Variants in C9 observed in about 807,000 individuals in gnomAD.
C9 encodes complement component C9.
A neutral mutation model predicts 65.4 loss-of-function variants in C9; 63 were observed. That is an observed-to-expected ratio of 0.96 (90% CI 0.79 to 1.19). The LOEUF is 1.19. Ranked by LOEUF, C9 falls within the 50% of genes most tolerant of loss-of-function variation. C9 has a pLI of 0.00. For synonymous variants in C9, 229 were observed against 227.9 expected, an observed-to-expected ratio of 1.00 and a Z score of -0.04; for missense variants, 744 against 670.1, an observed-to-expected ratio of 1.11 and a Z score of -1.22.
At chr5:39,292,406 GA>G (rs1753113230) in intron 9 of C9, among the ~76,000 whole-genome samples, 2 of 142,658 alleles carry the variant, frequency 1.4e-5, no homozygotes, top group Admixed American at 1.4e-4. Flanking sequence ...AAATGTCATT[GA>G]AAAAAATACT....
chr5:39,335,090 C>G (rs1753937615), intron 4 of C9, among the ~76,000 whole-genome samples: 1 of 151,960 alleles, frequency 6.6e-6, no homozygotes, highest in Non-Finnish European at 1.5e-5. Flanking sequence ...AAGCAAATGA[C>G]CTGGGTTGTT....
chr5:39,348,819 C>T (rs1425256679), intron 1 of C9, among the ~76,000 whole-genome samples: 3 of 152,170 alleles, frequency 2.0e-5, no homozygotes, highest in Non-Finnish European at 2.9e-5. Context: ...GGCACATATA[C>T]ACCATAGAAT....
chr5:39,361,776 T>C (rs1266047808), intron 1 of C9, among the ~76,000 whole-genome samples: 4 of 152,084 alleles, frequency 2.6e-5, no homozygotes, highest in Admixed American at 6.6e-5. Flanking sequence ...CCAGTTCTCA[T>C]GGGCACATTA....
chr5:39,292,285 T>C (rs1753109554), intron 9 of C9, among the ~76,000 whole-genome samples: 4 of 151,190 alleles, frequency 2.6e-5, no homozygotes, highest in Admixed American at 1.3e-4. Flanking sequence ...ATTTAAAAAC[T>C]ATGCAAGCCA....
In C9 at chr5:39,359,102, G is replaced by GTGTGTGTGTATATA. The variant is rs1407613505; in HGVS notation, c.77+5285_77+5286insTATATACACACACA. ...TGTATATATATATGTGTGTGTGTGTGTATATATATATATATATATATATGT... is the reference window on the plus strand; with the variant it reads ...TGTATATATATATGTGTGTGTGTGTGTGTGTGTGTATATATATATATATATATATATATATATGT... On this transcript the variant is annotated intron_variant, in intron 1 of 10. Transcript: ENST00000263408. Among the ~76,000 whole-genome samples the GTGTGTGTGTATATA allele has an allele frequency of 5.8e-5, 6 of 103,666 alleles. 1 individual carries two copies. Among genetic ancestry groups the GTGTGTGTGTATATA allele is most frequent in the Admixed American group, 1.1e-4 (1 of 9,042 alleles). 68.0% of individuals were successfully genotyped at this position (103,666 alleles called of 152,430 possible). A position where few individuals can be genotyped will look rare whatever the true frequency, so the allele number is the denominator to read the frequency against.
chr5:39,357,807 G>T (rs902012727), intron 1 of C9, among the ~76,000 whole-genome samples: 2 of 152,182 alleles, frequency 1.3e-5, no homozygotes, highest in Non-Finnish European at 2.9e-5. Context: ...CTGGGCCTTT[G>T]TGACAGCCTT....
chr5:39,330,716 C>T (rs1191657256), intron 5 of C9, among the ~76,000 whole-genome samples: 4 of 151,296 alleles, frequency 2.6e-5, no homozygotes, highest in Non-Finnish European at 5.9e-5. Flanking sequence ...TTTTTGGCAA[C>T]TGACATATTC....
chr5:39,324,712 T>C (rs1331310406), intron 5 of C9, among the ~76,000 whole-genome samples: 2 of 152,206 alleles, frequency 1.3e-5, no homozygotes, highest in African/African-American at 4.8e-5. Context: ...AGGCTCAATG[T>C]TAAGCATTCA....
intron 9 of C9, among the ~76,000 whole-genome samples, chr5:39,298,977 C>A (rs1463223291): frequency 6.6e-6 from 1 of 151,708 alleles, no homozygotes; most frequent in Non-Finnish European, 1.5e-5. Flanking sequence ...AATTCTTGGA[C>A]AAAATTCAAC....
In C9 at chr5:39,341,690, C is replaced by T; in HGVS notation, c.194G>A (p.Arg65Lys). Residue 65 changes from arginine to lysine, a missense_variant, in exon 3 of 11, where the codon AGA becomes AAA. Arg to Lys is a conservative substitution (Grantham distance 26). Transcript: ENST00000263408. ...DPCLRQMFRS[R>K]SIEVFGQFNG... ...AAATTGTCCAAAGACCTCAATGCTT[C>T]TTGAACGAAACTGCACAATATCAGT... 6.2e-7 allele frequency: 1 copy of T among 1,614,086 alleles called. No individual in the cohort carries two copies. The highest frequency in any genetic ancestry group is 8.5e-7 in the Non-Finnish European group (1 of 1,179,966).
intron 5 of C9, among the ~76,000 whole-genome samples, chr5:39,322,744 T>C (rs10068550): frequency 0.029 from 4,482 of 152,190 alleles, 199 homozygotes; most frequent in African/African-American, 0.099. Flanking sequence ...ATGGTTGCAT[T>C]TGTACTGAAC....
chr5:39,316,108 A>T lies in C9; in HGVS notation c.616-79T>A. 3.3e-6 allele frequency: 4 copies of T among 1,229,614 alleles called. No individual in the cohort carries two copies. The South Asian group carries it at 5.4e-5, about 16-fold the overall frequency. The allele number at this position is 1,229,614 out of a possible 1,614,324, so 76.2% of individuals were successfully genotyped here. A position where few individuals can be genotyped will look rare whatever the true frequency, so the allele number is the denominator to read the frequency against. On this transcript the variant is annotated intron_variant, in intron 5 of 10. Coordinates refer to ENST00000263408, the MANE Select transcript of C9 (RefSeq NM_001737.5). ...AACAAGCAGAACAGAACCAAAGAGA[A>T]GTCAAACAATTCTTTGAAAGGCAGT...
In C9 at chr5:39,295,033, G is replaced by A. The variant is rs990955387; in HGVS notation, c.1417-6082C>T. 2.6e-5 allele frequency among the ~76,000 whole-genome samples: 4 copies of A among 151,492 alleles called. No homozygotes were observed. The East Asian group carries it at 7.7e-4, about 29-fold the overall frequency. On this transcript the variant is annotated intron_variant, in intron 9 of 10. Coordinates refer to ENST00000263408, the MANE Select transcript of C9 (RefSeq NM_001737.5). Reference sequence around the variant, plus strand: ...ACTTCTCTTTGTGATACAAATTCTCGATAAATTAGGTATAGAATAAAAGTA... The same window carrying A: ...ACTTCTCTTTGTGATACAAATTCTCAATAAATTAGGTATAGAATAAAAGTA...
intron 5 of C9, among the ~76,000 whole-genome samples, chr5:39,324,511 A>G (rs1261975526): frequency 2.0e-5 from 3 of 152,202 alleles, no homozygotes; most frequent in African/African-American, 7.2e-5. Flanking sequence ...ACTTTCAGAT[A>G]TAACAGATTG....
At position 39,284,924 on chromosome 5, in the gene C9, T is replaced by A. The variant is rs1035430159; in HGVS notation, c.*275A>T. 4 of 433,362 alleles carry A rather than the reference T, an allele frequency of 9.2e-6. No homozygotes were observed. In the Admixed American group the frequency reaches 1.6e-4, roughly 17 times the overall value. The allele number at this position is 433,362 out of a possible 1,614,324, so 26.8% of individuals were successfully genotyped here. ...TTTTTAATTTAATTTTGTTTTTTTTTAGAAGAGATTGGCATTTTCCGTGGG... is the reference window on the plus strand; with the variant it reads ...TTTTTAATTTAATTTTGTTTTTTTTAAGAAGAGATTGGCATTTTCCGTGGG... On this transcript the variant is annotated 3_prime_UTR_variant, in exon 11 of 11. Coordinates refer to ENST00000263408, the MANE Select transcript of C9 (RefSeq NM_001737.5).
intron 1 of C9, among the ~76,000 whole-genome samples, chr5:39,343,389 C>A (rs192685765): frequency 1.1e-4 from 17 of 152,364 alleles, no homozygotes; most frequent in Non-Finnish European, 1.9e-4. Flanking sequence ...TATCCTGCAC[C>A]TGGCTCAGAG....
intron 4 of C9, among the ~76,000 whole-genome samples, chr5:39,333,978 G>A (rs1049604067): frequency 6.6e-6 from 1 of 152,148 alleles, no homozygotes; most frequent in Non-Finnish European, 1.5e-5. Flanking sequence ...CCACCTCCCA[G>A]CCGCCTGCCT....
At chr5:39,330,259 A>G (rs1010382027) in intron 5 of C9, among the ~76,000 whole-genome samples, 11 of 152,222 alleles carry the variant, frequency 7.2e-5, no homozygotes, top group Non-Finnish European at 4.4e-5. Context: ...ATTGTGATTT[A>G]TATCACACCA....
At position 39,312,109 on chromosome 5, in the gene C9, G is replaced by A. The variant is rs78399806; in HGVS notation, c.871-732C>T. 3.6e-3 allele frequency among the ~76,000 whole-genome samples: 555 copies of A among 152,130 alleles called. 4 individuals are homozygous for A. Among genetic ancestry groups the A allele is most frequent in the African/African-American group, 0.012 (492 of 41,514 alleles). On this transcript the variant is annotated intron_variant, in intron 6 of 10. Coordinates refer to ENST00000263408, the MANE Select transcript of C9 (RefSeq NM_001737.5). ...GTCTCTTCATGATGGAATTTTCTTGGTGTGATGTTCTTTAACTCAATGTAT... is the reference window on the plus strand; with the variant it reads ...GTCTCTTCATGATGGAATTTTCTTGATGTGATGTTCTTTAACTCAATGTAT...
Sources: gnomAD v4.1 joint callset for allele counts (sites outside exome capture counted in the v4.1 genomes callset) on GRCh38, gnomAD v4.1.1 for gene constraint, MANE v1.5 for transcripts, NCBI Gene and HGNC (gene_info 2026-07-23, HGNC 2026-07-21) for gene names.